The following NBDY variants were observed in gnomAD, a reference collection of about 807,000 sequenced individuals.
NBDY encodes negative regulator of P-body association.
chrX:56,785,638 G>A (rs2069723418), intron 2 of NBDY, among the ~76,000 whole-genome samples: 1 of 111,424 alleles, frequency 9.0e-6, no homozygotes, highest in Admixed American at 9.5e-5. Context: ...AGAGAGCAGG[G>A]CAGCCTCCTG....
chrX:56,809,064 C>T (rs1376108002), intron 2 of NBDY, among the ~76,000 whole-genome samples: 4 of 112,433 alleles, frequency 3.6e-5, no homozygotes, highest in African/African-American at 6.5e-5. Context: ...TGTAGCTGTG[C>T]GGTTTTGAGT....
At chrX:56,730,002 A>C (rs1189423371) in intron 1 of NBDY, among the ~76,000 whole-genome samples, 2 of 110,581 alleles carry the variant, frequency 1.8e-5, no homozygotes, top group Non-Finnish European at 3.8e-5. Flanking sequence ...TGTTAAAAAA[A>C]AAAAGGCTGG....
At chrX:56,800,869 C>G (rs767755796) in intron 2 of NBDY, among the ~76,000 whole-genome samples, 1 of 110,984 alleles carries the variant, frequency 9.0e-6, no homozygotes, top group Admixed American at 9.5e-5. Context: ...GCATCCCCCT[C>G]CCCTATCTGC....
intron 2 of NBDY, among the ~76,000 whole-genome samples, chrX:56,785,606 A>T: frequency 9.1e-6 from 1 of 109,898 alleles, no homozygotes. Flanking sequence ...TGTGTGCGGG[A>T]TGGGGTTGGG....
chrX:56,757,621 C>A (rs1006480034), intron 2 of NBDY, among the ~76,000 whole-genome samples: 2 of 111,231 alleles, frequency 1.8e-5, no homozygotes, highest in Admixed American at 9.6e-5. Flanking sequence ...TAGGAGGATT[C>A]TCTGCTTCCA....
In NBDY at chrX:56,765,729, CCTT is replaced by C. The variant is rs751281348; in HGVS notation, c.*166+33534_*166+33536del. Among the ~76,000 whole-genome samples the C allele has an allele frequency of 1.5e-4, 17 of 110,880 alleles. 1 individual carries two copies. In the East Asian group the frequency reaches 4.0e-3, roughly 26 times the overall value. On this transcript the variant is annotated intron_variant, in intron 2 of 2. Coordinates refer to ENST00000374922, the MANE Select transcript of NBDY (RefSeq NM_001348129.2). ...TCCTCTTGCTCCTCCTCCTCCAACT[CCTT>C]CTTATCTTCCTACTCCTCCTTTTTC...
chrX:56,759,914 C>T (rs1247178805), intron 2 of NBDY, among the ~76,000 whole-genome samples: 3 of 112,234 alleles, frequency 2.7e-5, no homozygotes, highest in Non-Finnish European at 3.8e-5. Flanking sequence ...AATAAGAACC[C>T]CTTGGCCCCA....
rs1450455387 is a variant in NBDY at position 56,781,623 on chromosome X, A to G, written c.*167-35697A>G. ...GTACTTTTGGAGTTTTCCTCCCTTC[A>G]CTTTTTTCTTCTTCACTGTCTTTAC... On this transcript the variant is annotated intron_variant, in intron 2 of 2. Transcript: ENST00000374922. Among the ~76,000 whole-genome samples, 10 of 111,083 alleles carry G rather than the reference A, an allele frequency of 9.0e-5. No individual in the cohort carries two copies. In the Admixed American group the frequency reaches 9.5e-4, roughly 11 times the overall value.
intron 1 of NBDY, among the ~76,000 whole-genome samples, chrX:56,729,811 T>C (rs1176216292): frequency 8.9e-6 from 1 of 112,238 alleles, no homozygotes; most frequent in African/African-American, 3.2e-5. Context: ...ATAATTGTAG[T>C]TATATTTTCT....
chrX:56,801,698 T>C (rs1420268216), intron 2 of NBDY, among the ~76,000 whole-genome samples: 1 of 110,892 alleles, frequency 9.0e-6, no homozygotes, highest in Non-Finnish European at 1.9e-5. Context: ...AGCAGGAGCC[T>C]TGGCAAGTTG....
chrX:56,802,096 C>A (rs1213176349), intron 2 of NBDY, among the ~76,000 whole-genome samples: 1 of 111,459 alleles, frequency 9.0e-6, no homozygotes, highest in African/African-American at 3.3e-5. Flanking sequence ...CCATAGCCAC[C>A]AGACTGCCCA....
chrX:56,782,268 C>CCTCT (rs397799346), intron 2 of NBDY, among the ~76,000 whole-genome samples: 2 of 110,633 alleles, frequency 1.8e-5, no homozygotes, highest in Non-Finnish European at 3.8e-5. Context: ...TTCCTCTTCT[C>CCTCT]TTTTTTGTTT....
chrX:56,797,754 C>T lies in NBDY; in HGVS notation c.*167-19566C>T, dbSNP rs1408703874. ...AGTGTGTACAGTCAGGCTGTCTCTG[C>T]CATGTGCCAATTTGCCCACTCTCAC... is the stretch of plus-strand genomic sequence containing the variant. On this transcript the variant is annotated intron_variant, in intron 2 of 2. Coordinates refer to ENST00000374922, the MANE Select transcript of NBDY (RefSeq NM_001348129.2). Among the ~76,000 whole-genome samples, 12 of 111,265 alleles carry T rather than the reference C, an allele frequency of 1.1e-4. 1 individual carries two copies. The Admixed American group carries it at 1.2e-3, about 11-fold the overall frequency.
At chrX:56,800,683 C>T (rs1291701267) in intron 2 of NBDY, among the ~76,000 whole-genome samples, 2 of 111,296 alleles carry the variant, frequency 1.8e-5, no homozygotes, top group Non-Finnish European at 3.8e-5. Context: ...TGGAGTTTTT[C>T]TTCCTTCACT....
intron 2 of NBDY, among the ~76,000 whole-genome samples, chrX:56,762,164 AC>A (rs1449372315): frequency 9.0e-6 from 1 of 111,220 alleles, no homozygotes; most frequent in Non-Finnish European, 1.9e-5. Context: ...GCATTGAGGC[AC>A]CCATGAACTC....
Position 56,818,705 on chromosome X carries a change from A to G in NBDY, c.*1552A>G, listed in dbSNP as rs1183019742. 2 of 112,096 alleles carry G rather than the reference A, an allele frequency of 1.8e-5. No individual in the cohort carries two copies. Among genetic ancestry groups the G allele is most frequent in the Non-Finnish European group, 3.8e-5 (2 of 53,226 alleles). The allele number at this position is 112,096 out of a possible 1,213,427, so 9.2% of individuals were successfully genotyped here. The stretch of plus-strand genomic sequence containing the variant: ...TAACCTGATTCTAAAGTTCATATGA[A>G]AATGTAATGGACCCAGAATAGCCAA... On this transcript the variant is annotated 3_prime_UTR_variant, in exon 3 of 3. Coordinates refer to ENST00000374922, the MANE Select transcript of NBDY (RefSeq NM_001348129.2).
At chrX:56,798,527 A>G (rs758734431) in intron 2 of NBDY, among the ~76,000 whole-genome samples, 1 of 111,751 alleles carries the variant, frequency 8.9e-6, no homozygotes, top group African/African-American at 3.3e-5. Flanking sequence ...GGTGACCTCC[A>G]TCTGCCAGCC....
At chrX:56,797,189 TCTC>T (rs897044067) in intron 2 of NBDY, among the ~76,000 whole-genome samples, 2 of 105,248 alleles carry the variant, frequency 1.9e-5, no homozygotes, top group African/African-American at 3.5e-5. Flanking sequence ...CCTCTTCTTC[TCTC>T]CTTCTTTCCT....
At chrX:56,816,573 A>T (rs1367567664) in intron 2 of NBDY, among the ~76,000 whole-genome samples, 1 of 111,439 alleles carries the variant, frequency 9.0e-6, no homozygotes, top group Non-Finnish European at 1.9e-5. Flanking sequence ...GAAGCCATTG[A>T]AATATTGAGA....
Sources: allele counts gnomAD v4.1 joint callset (sites outside exome capture counted in the v4.1 genomes callset), GRCh38; gene constraint gnomAD v4.1.1; transcripts MANE v1.5; gene names NCBI Gene and HGNC (gene_info 2026-07-23, HGNC 2026-07-21).